The following SLIT2 variants were observed in gnomAD, a reference collection of about 807,000 sequenced individuals.
The protein encoded by SLIT2 is slit guidance ligand 2.
A neutral mutation model predicts 185.7 loss-of-function variants in SLIT2; 41 were observed. That is an observed-to-expected ratio of 0.22 (90% CI 0.17 to 0.29). SLIT2 has a LOEUF of 0.29. Among genes scored for constraint, SLIT2 ranks in the 10% least tolerant of loss-of-function variants. The probability of loss-of-function intolerance (pLI) is 1.00; values close to 1 mark genes in which losing one functional copy is unlikely to be tolerated. For missense variants in SLIT2, 1,571 were observed against 1,909.0 expected, an observed-to-expected ratio of 0.82 and a Z score of 3.30; for synonymous variants, 693 against 680.2, an observed-to-expected ratio of 1.02 and a Z score of -0.29.
intron 4 of SLIT2, among the ~76,000 whole-genome samples, chr4:20,348,235 T>G (rs1577477060): frequency 6.6e-6 from 1 of 152,060 alleles, no homozygotes; most frequent in East Asian, 1.9e-4. Context: ...GACTCATGTT[T>G]TTTGTTTGTT....
chr4:20,579,992 T>A (rs1263446056), intron 29 of SLIT2, among the ~76,000 whole-genome samples: 2 of 145,936 alleles, frequency 1.4e-5, no homozygotes, highest in African/African-American at 5.0e-5. Context: ...ATATATTTAA[T>A]ATGTAATATA....
chr4:20,269,546 A>G (rs1051168092), intron 4 of SLIT2, among the ~76,000 whole-genome samples: 1 of 151,958 alleles, frequency 6.6e-6, no homozygotes, highest in South Asian at 2.1e-4. Context: ...AATAGTGAAA[A>G]CACATTTTGA....
intron 9 of SLIT2, among the ~76,000 whole-genome samples, chr4:20,499,635 C>T (rs1229622096): frequency 6.6e-6 from 1 of 151,954 alleles, no homozygotes; most frequent in Non-Finnish European, 1.5e-5. Context: ...ACTACAGGCG[C>T]CCCCCAGCAT....
chr4:20,262,681 G>A (rs1712604677), intron 3 of SLIT2, among the ~76,000 whole-genome samples: 1 of 151,798 alleles, frequency 6.6e-6, no homozygotes, highest in Non-Finnish European at 1.5e-5. Context: ...TATGCACATA[G>A]CATAAAATAT....
At chr4:20,289,780 A>G (rs1715623069) in intron 4 of SLIT2, among the ~76,000 whole-genome samples, 1 of 152,154 alleles carries the variant, frequency 6.6e-6, no homozygotes, top group Non-Finnish European at 1.5e-5. Context: ...GAAGAAAGGG[A>G]GAGAGGGGAG....
intron 4 of SLIT2, among the ~76,000 whole-genome samples, chr4:20,349,298 A>G (rs149375818): frequency 4.7e-4 from 72 of 152,294 alleles, no homozygotes; most frequent in African/African-American, 1.5e-3. Flanking sequence ...TAAGGACTTG[A>G]AGAAAATTAA....
intron 5 of SLIT2, among the ~76,000 whole-genome samples, chr4:20,473,271 C>A (rs537774622): frequency 6.6e-6 from 1 of 151,848 alleles, no homozygotes; most frequent in South Asian, 2.1e-4. Context: ...TCTTATAATC[C>A]TTTTCCAGGA....
In SLIT2 at chr4:20,618,684, T is replaced by C. The variant is rs527382039; in HGVS notation, c.4349-84T>C. The stretch of plus-strand genomic sequence containing the variant: ...GTTACAAAGGGGAAGCAAAGGCTTC[T>C]GAATTAAGTTGTGGATTCACAGTCA... On this transcript the variant is annotated intron_variant, in intron 36 of 36. Transcript: ENST00000504154. The C allele has an allele frequency of 6.0e-5, 83 of 1,390,840 alleles. No individual in the cohort carries two copies. In the South Asian group the frequency reaches 1.0e-3, roughly 17 times the overall value. The allele number at this position is 1,390,840 out of a possible 1,614,324, so 86.2% of individuals were successfully genotyped here.
At chr4:20,387,761 C>G (rs1279761708) in intron 4 of SLIT2, among the ~76,000 whole-genome samples, 4 of 152,100 alleles carry the variant, frequency 2.6e-5, no homozygotes, top group Non-Finnish European at 4.4e-5. Flanking sequence ...AGACCTCCAT[C>G]CTAGAACCAC....
chr4:20,406,761 T>TA (rs1342411744), intron 4 of SLIT2, among the ~76,000 whole-genome samples: 1 of 144,168 alleles, frequency 6.9e-6, no homozygotes, highest in African/African-American at 2.4e-5. Context: ...TAGTATATAC[T>TA]AAAATTAAAC....
At chr4:20,562,633 G>T (rs1412073967) in intron 26 of SLIT2, among the ~76,000 whole-genome samples, 1 of 151,746 alleles carries the variant, frequency 6.6e-6, no homozygotes, top group Non-Finnish European at 1.5e-5. Context: ...CTGGCACAAT[G>T]TAGATGCTCA....
intron 18 of SLIT2, 130 bp downstream of exon 18, chr4:20,533,845 TACAC>T (rs1722023419): frequency 1.6e-6 from 1 of 618,064 alleles, no homozygotes; most frequent in Non-Finnish European, 2.7e-6. Flanking sequence ...CATTCTCTGT[TACAC>T]ACACATACAC....
intron 11 of SLIT2, among the ~76,000 whole-genome samples, chr4:20,511,596 T>TTTTTTTTTTTTTTTTTA (rs1220710184): frequency 1.5e-4 from 21 of 138,642 alleles, no homozygotes; most frequent in Non-Finnish European, 3.0e-4. Flanking sequence ...AATTTTTTTT[T>TTTTTTTTTTTTTTTTTA]TTTTTTTATT....
At chr4:20,467,619 A>G (rs1022750561) in intron 4 of SLIT2, 133 bp from the exon 5 acceptor site, 2 of 472,688 alleles carry the variant, frequency 4.2e-6, no homozygotes, top group South Asian at 8.4e-5. Context: ...ATATAATGCT[A>G]TGGATTTAAT....
intron 4 of SLIT2, among the ~76,000 whole-genome samples, chr4:20,351,347 C>T (rs1179577077): frequency 6.6e-6 from 1 of 152,162 alleles, no homozygotes; most frequent in Non-Finnish European, 1.5e-5. Context: ...CCACACCCGG[C>T]CTATAGTCTG....
At chr4:20,280,926 G>A (rs1440714893) in intron 4 of SLIT2, among the ~76,000 whole-genome samples, 2 of 150,032 alleles carry the variant, frequency 1.3e-5, no homozygotes, top group South Asian at 4.2e-4. Flanking sequence ...TCCGCCTCCT[G>A]GGTTCAAGCG....
At chr4:20,373,053 A>G (rs1723728911) in intron 4 of SLIT2, among the ~76,000 whole-genome samples, 2 of 152,112 alleles carry the variant, frequency 1.3e-5, no homozygotes, top group African/African-American at 4.8e-5. Context: ...TTATATTTAT[A>G]TGTGAAGCAG....
At chr4:20,440,428 C>T (rs191703891) in intron 4 of SLIT2, among the ~76,000 whole-genome samples, 2 of 152,184 alleles carry the variant, frequency 1.3e-5, no homozygotes, top group African/African-American at 4.8e-5. Context: ...GCTTATGTTG[C>T]AGACTTTAAA....
At chr4:20,471,097 A>G (rs1714953994) in intron 5 of SLIT2, among the ~76,000 whole-genome samples, 3 of 152,214 alleles carry the variant, frequency 2.0e-5, no homozygotes, top group African/African-American at 7.2e-5. Flanking sequence ...TAACAATGTG[A>G]AAGACAATGA....
Sources: gnomAD v4.1 joint callset for allele counts (sites outside exome capture counted in the v4.1 genomes callset) on GRCh38, gnomAD v4.1.1 for gene constraint, MANE v1.5 for transcripts, NCBI Gene and HGNC (gene_info 2026-07-23, HGNC 2026-07-21) for gene names.